Variants in CTNNA2 observed in about 807,000 individuals in gnomAD.
The protein encoded by CTNNA2 is catenin alpha 2.
Under a neutral mutation model 101.0 loss-of-function variants are expected in CTNNA2, and 42 were observed. The observed-to-expected ratio is 0.42, with a 90% CI of 0.32 to 0.54. CTNNA2 has a LOEUF of 0.54. Ranked by LOEUF, CTNNA2 falls within the 20% of genes least tolerant of loss-of-function variation. The pLI is 0.14. For synonymous variants in CTNNA2, 450 were observed against 456.4 expected (o/e 0.99, Z 0.18); for missense variants, 871 against 1,223.1 (o/e 0.71, Z 4.29).
At chr2:80,379,834 T>C (rs2149346634) in intron 7 of CTNNA2, among the ~76,000 whole-genome samples, 1 of 152,220 alleles carries the variant, frequency 6.6e-6, no homozygotes, top group African/African-American at 2.4e-5. Flanking sequence ...CCAGGAATCT[T>C]CATTTGTTAT....
At chr2:79,565,940 C>T (rs1675085012) in intron 1 of CTNNA2, among the ~76,000 whole-genome samples, 1 of 151,710 alleles carries the variant, frequency 6.6e-6, no homozygotes, top group African/African-American at 2.4e-5. Flanking sequence ...AGACTAGAGC[C>T]CTGAGGATCT....
At chr2:79,982,626 C>T (rs961878770) in intron 7 of CTNNA2, among the ~76,000 whole-genome samples, 6 of 151,684 alleles carry the variant, frequency 4.0e-5, no homozygotes, top group Non-Finnish European at 8.8e-5. Flanking sequence ...ATATCCTTTC[C>T]TACTCAGTGT....
chr2:80,635,971 CTTTTTT>C (rs60757492), intron 18 of CTNNA2, among the ~76,000 whole-genome samples: 14 of 115,654 alleles, frequency 1.2e-4, no homozygotes, highest in African/African-American at 2.9e-4. Context: ...ATGCCCATTG[CTTTTTT>C]TTTTTTTTTT....
intron 2 of CTNNA2, among the ~76,000 whole-genome samples, chr2:79,706,614 C>T (rs905236259): frequency 6.6e-6 from 1 of 152,046 alleles, no homozygotes; most frequent in Non-Finnish European, 1.5e-5. Context: ...GAAAGACCTT[C>T]AGGGAACAAA....
chr2:80,402,746 A>C (rs1407151672), intron 8 of CTNNA2, among the ~76,000 whole-genome samples: 1 of 148,178 alleles, frequency 6.7e-6, no homozygotes, highest in Non-Finnish European at 1.5e-5. Flanking sequence ...ATATATTTCT[A>C]TATTATATAT....
chr2:79,913,353 C>T (rs561294167), intron 7 of CTNNA2, among the ~76,000 whole-genome samples: 1 of 152,288 alleles, frequency 6.6e-6, no homozygotes, highest in East Asian at 1.9e-4. Flanking sequence ...GGTGCACCCA[C>T]CCGTTTGAAG....
intron 2 of CTNNA2, among the ~76,000 whole-genome samples, chr2:79,209,699 T>C (rs994198422): frequency 2.6e-5 from 4 of 152,232 alleles, no homozygotes; most frequent in Non-Finnish European, 1.5e-5. Context: ...AAGATGAGAC[T>C]GAGCCAATTA....
At chr2:79,551,667 A>G (rs1180599644) in intron 1 of CTNNA2, among the ~76,000 whole-genome samples, 1 of 152,204 alleles carries the variant, frequency 6.6e-6, no homozygotes, top group Non-Finnish European at 1.5e-5. Context: ...TAGAGGTTTA[A>G]TTGACTCACA....
At chr2:80,421,753 G>C (rs980918213) in intron 9 of CTNNA2, among the ~76,000 whole-genome samples, 6 of 149,104 alleles carry the variant, frequency 4.0e-5, no homozygotes, top group African/African-American at 1.2e-4. Flanking sequence ...GTGTGGTCTG[G>C]CCTCTGTGTG....
intron 4 of CTNNA2, among the ~76,000 whole-genome samples, chr2:79,423,773 G>A (rs1440137800): frequency 6.6e-6 from 1 of 152,178 alleles, no homozygotes; most frequent in African/African-American, 2.4e-5. Flanking sequence ...TTCCCACCAG[G>A]TATGGAAACA....
At chr2:80,346,968 G>T (rs1017935456) in intron 7 of CTNNA2, among the ~76,000 whole-genome samples, 1 of 152,202 alleles carries the variant, frequency 6.6e-6, no homozygotes, top group Non-Finnish European at 1.5e-5. Flanking sequence ...GGATTTATGG[G>T]TGACCATGCT....
intron 5 of CTNNA2, among the ~76,000 whole-genome samples, chr2:79,872,961 G>A (rs1411210714): frequency 1.3e-5 from 2 of 152,182 alleles, no homozygotes; most frequent in African/African-American, 2.4e-5. Context: ...AGCCTTTAAA[G>A]ATGGAAATAA....
rs1023945512 is a variant in CTNNA2, at chr2:79,656,187, T to G, written c.102+4529T>G. ...GACTGTGTTATCAATACTAACTAAT[T>G]CTTCCCTTGGAATTAAACCTTCATG... is the stretch of plus-strand genomic sequence containing the variant. On this transcript the variant is annotated intron_variant, in intron 2 of 18. Coordinates refer to ENST00000402739, the MANE Select transcript of CTNNA2 (RefSeq NM_001282597.3). Among the ~76,000 whole-genome samples, 12 of 152,188 alleles carry G rather than the reference T, an allele frequency of 7.9e-5. 1 individual carries two copies. Among genetic ancestry groups the G allele is most frequent in the South Asian group, 2.1e-4 (1 of 4,830 alleles).
intron 1 of CTNNA2, among the ~76,000 whole-genome samples, chr2:79,544,276 A>G (rs1378673662): frequency 6.6e-6 from 1 of 152,196 alleles, no homozygotes; most frequent in East Asian, 1.9e-4. Flanking sequence ...TGTAGTTGCA[A>G]TAAATCAGTT....
Position 80,648,013 on chromosome 2 carries a change from A to T in CTNNA2, c.*141A>T. On this transcript the variant is annotated 3_prime_UTR_variant, in exon 19 of 19. Coordinates refer to ENST00000402739, the MANE Select transcript of CTNNA2 (RefSeq NM_001282597.3). ...AGGGAACAGTGTCTGTTTGCATGTA[A>T]GATGAGATGAGATCAATACTACTGA... The T allele has an allele frequency of 1.4e-6, 1 of 723,520 alleles. No homozygotes were observed. The highest frequency in any genetic ancestry group is 2.2e-6 in the Non-Finnish European group (1 of 453,338). The allele number at this position is 723,520 out of a possible 1,614,324, so 44.8% of individuals were successfully genotyped here.
At chr2:79,563,297 G>C (rs1573354303) in intron 1 of CTNNA2, among the ~76,000 whole-genome samples, 1 of 151,532 alleles carries the variant, frequency 6.6e-6, no homozygotes, top group East Asian at 1.9e-4. Context: ...TGGGATTCAG[G>C]GTTTTTTGGT....
At chr2:79,308,439 C>T (rs1421367944) in intron 2 of CTNNA2, among the ~76,000 whole-genome samples, 1 of 152,162 alleles carries the variant, frequency 6.6e-6, no homozygotes, top group Non-Finnish European at 1.5e-5. Flanking sequence ...AATACTTTCT[C>T]CCATTTTGTA....
At chr2:79,802,622 G>A (rs1261139267) in intron 3 of CTNNA2, among the ~76,000 whole-genome samples, 3 of 152,212 alleles carry the variant, frequency 2.0e-5, no homozygotes, top group Non-Finnish European at 4.4e-5. Flanking sequence ...TGCCTTTCAG[G>A]AGTAGTTGTA....
intron 18 of CTNNA2, among the ~76,000 whole-genome samples, chr2:80,632,824 T>C (rs1163525617): frequency 6.6e-6 from 1 of 152,228 alleles, no homozygotes; most frequent in African/African-American, 2.4e-5. Flanking sequence ...CACAGACTTC[T>C]CTAAAATTTA....
Sources: gnomAD v4.1 joint callset for allele counts (sites outside exome capture counted in the v4.1 genomes callset) on GRCh38, gnomAD v4.1.1 for gene constraint, MANE v1.5 for transcripts, NCBI Gene and HGNC (gene_info 2026-07-23, HGNC 2026-07-21) for gene names.